The following CEP57 variants were observed in gnomAD, a reference collection of about 807,000 sequenced individuals.
CEP57 encodes centrosomal protein of 57 kDa.
CEP57 carries 40 observed loss-of-function variants against 68.0 expected under a neutral mutation model. The observed-to-expected ratio is 0.59, with a 90% CI of 0.46 to 0.77. CEP57 has a LOEUF of 0.77. Among genes scored for constraint, CEP57 ranks in the 30% least tolerant of loss-of-function variants. CEP57 has a pLI of 0.00. For missense variants in CEP57, 606 were observed against 580.7 expected, an observed-to-expected ratio of 1.04 and a Z score of -0.45; for synonymous variants, 219 against 198.7, an observed-to-expected ratio of 1.10 and a Z score of -0.86.
Position 95,799,392 on chromosome 11 carries a change from A to T in CEP57, c.202+4A>T, listed in dbSNP as rs1300329901. 1 of 1,613,750 alleles carries T rather than the reference A, an allele frequency of 6.2e-7. No individual in the cohort carries two copies. Among genetic ancestry groups the T allele is most frequent in the Non-Finnish European group, 8.5e-7 (1 of 1,179,830 alleles). Reference sequence around the variant, plus strand: ...TATCCAGAAAGCAACAGCAGAGGTAATCGAGCCTAACGAAATAAATGTTAT... The same window carrying T: ...TATCCAGAAAGCAACAGCAGAGGTATTCGAGCCTAACGAAATAAATGTTAT... On this transcript the variant is annotated splice_donor_region_variant and intron_variant, in intron 2 of 10. Coordinates refer to ENST00000325542, the MANE Select transcript of CEP57 (RefSeq NM_014679.5).
chr11:95,824,119 A>T (rs1862637378), intron 8 of CEP57, among the ~76,000 whole-genome samples: 1 of 150,386 alleles, frequency 6.6e-6, no homozygotes, highest in Non-Finnish European at 1.5e-5. Context: ...GTTGGCGTGC[A>T]CCTGTGGTCC....
Position 95,818,834 on chromosome 11 carries a change from T to G in CEP57, c.629T>G (p.Met210Arg), listed in dbSNP as rs1862409279. 2 of 1,613,624 alleles carry G rather than the reference T, an allele frequency of 1.2e-6. No individual in the cohort carries two copies. The highest frequency in any genetic ancestry group is 1.3e-5 in the African/African-American group (1 of 74,892). The change falls in exon 6 of 11, where the codon ATG becomes AGG. Residue 210 changes from methionine (M) to arginine (R), a missense_variant. Coordinates refer to ENST00000325542, the MANE Select transcript of CEP57 (RefSeq NM_014679.5). ...TTMQALAEKKMQELEAKLHEE... is the reference protein window; with the variant it reads ...TTMQALAEKKRQELEAKLHEE... ...TGACATTTTTATCACTAGAAAAAAA[T>G]GCAAGAGTTGGAAGCAAAACTCCAT...
chr11:95,813,454 T>C lies in CEP57; in HGVS notation c.383-14T>C, dbSNP rs531366645. The stretch of plus-strand genomic sequence containing the variant: ...GGTGAGTTGATTTCTGCTTTTCTTA[T>C]GTATTCTTTTTAGAACTGACATCTC... On this transcript the variant is annotated splice_polypyrimidine_tract_variant and intron_variant, in intron 3 of 10. Transcript: ENST00000325542. 19 of 1,609,788 alleles carry C rather than the reference T, an allele frequency of 1.2e-5. No individual in the cohort carries two copies. Among genetic ancestry groups the C allele is most frequent in the African/African-American group, 4.0e-5 (3 of 75,012 alleles).
intron 10 of CEP57, 138 bp downstream of exon 10, chr11:95,829,469 C>T (rs565097284): frequency 1.1e-6 from 1 of 917,220 alleles, no homozygotes; most frequent in African/African-American, 1.7e-5. Context: ...GACATTTGTT[C>T]ATTGAGAATT....
chr11:95,815,842 C>G (rs1234755579), intron 4 of CEP57, among the ~76,000 whole-genome samples: 1 of 152,162 alleles, frequency 6.6e-6, no homozygotes, highest in African/African-American at 2.4e-5. Context: ...ACTATATTGG[C>G]TTGATATTGT....
At position 95,818,887 on chromosome 11, in the gene CEP57, C is replaced by A. The variant is rs770187092; in HGVS notation, c.682C>A (p.Gln228Lys). 1.2e-6 allele frequency: 2 copies of A among 1,613,770 alleles called. No homozygotes were observed. Among genetic ancestry groups the A allele is most frequent in the Non-Finnish European group, 1.7e-6 (2 of 1,179,762 alleles). ...HEEEQERKRMQAKAAELQTGL... is the reference protein window; with the variant it reads ...HEEEQERKRMKAKAAELQTGL... Reference sequence around the variant, plus strand: ...AGAAGAACAGGAAAGGAAACGCATGCAAGCTAAGGCAGCTGAGGTAAGTTA... The same window carrying A: ...AGAAGAACAGGAAAGGAAACGCATGAAAGCTAAGGCAGCTGAGGTAAGTTA... Residue 228 changes from glutamine (Q) to lysine (K), a missense_variant, in exon 6 of 11, where the codon CAA becomes AAA. Transcript: ENST00000325542.
chr11:95,802,246 C>T (rs1302190486), intron 2 of CEP57, among the ~76,000 whole-genome samples: 6 of 150,504 alleles, frequency 4.0e-5, no homozygotes, highest in Non-Finnish European at 7.4e-5. Flanking sequence ...GGTTTATAAA[C>T]GTGACATGAT....
chr11:95,792,273 A>G (rs575875376), intron 1 of CEP57, among the ~76,000 whole-genome samples: 51 of 152,338 alleles, frequency 3.3e-4, no homozygotes, highest in African/African-American at 1.2e-3. Flanking sequence ...ACTTGGGAGA[A>G]GAGGGCTTTT....
At chr11:95,822,927 T>C (rs1862574654) in intron 8 of CEP57, 2 of 295,224 alleles carry the variant, frequency 6.8e-6, no homozygotes, top group African/African-American at 2.2e-5. Context: ...CATTTAGATA[T>C]AGGTAGATAT....
intron 2 of CEP57, among the ~76,000 whole-genome samples, chr11:95,806,845 C>G (rs951191214): frequency 2.6e-5 from 4 of 152,236 alleles, no homozygotes; most frequent in Non-Finnish European, 5.9e-5. Flanking sequence ...TTAAACATTC[C>G]TGTCTGACAG....
chr11:95,820,998 G>A (rs1321312732), intron 6 of CEP57, among the ~76,000 whole-genome samples: 3 of 152,106 alleles, frequency 2.0e-5, no homozygotes, highest in South Asian at 4.1e-4. Flanking sequence ...GGAATCCAGT[G>A]GTTCTGAATA....
chr11:95,828,533 T>A (rs1261996719), intron 9 of CEP57, among the ~76,000 whole-genome samples: 1 of 152,244 alleles, frequency 6.6e-6, no homozygotes, highest in Non-Finnish European at 1.5e-5. Context: ...CACTGTTGTA[T>A]ATGTGGTCTG....
rs753139205 is a variant in CEP57, at chr11:95,813,470, C to G, written c.385C>G (p.Leu129Val). Residue 129 changes from leucine (L) to valine (V), a missense_variant and splice_region_variant, in exon 4 of 11, where the codon CTG becomes GTG. By Grantham distance (32) the Leu-to-Val change is conservative (BLOSUM62 1). Transcript: ENST00000325542. ...KNEESKHNQE[L>V]TSQLLAAENK... The stretch of plus-strand genomic sequence containing the variant: ...CTTTTCTTATGTATTCTTTTTAGAA[C>G]TGACATCTCAGTTGTTAGCTGCAGA... 7 of 1,611,440 alleles carry G rather than the reference C, an allele frequency of 4.3e-6. No individual in the cohort carries two copies. In the South Asian group the frequency reaches 7.7e-5, roughly 18 times the overall value.
At chr11:95,791,321 C>G (rs1051657406) in intron 1 of CEP57, among the ~76,000 whole-genome samples, 1 of 152,162 alleles carries the variant, frequency 6.6e-6, no homozygotes, top group Non-Finnish European at 1.5e-5. Flanking sequence ...TGGAAATGCC[C>G]TTTTGGAGAG....
At chr11:95,800,803 A>G (rs974860172) in intron 2 of CEP57, among the ~76,000 whole-genome samples, 2 of 152,186 alleles carry the variant, frequency 1.3e-5, no homozygotes, top group Admixed American at 6.5e-5. Context: ...TAATGAAAAG[A>G]TGGTTTTGAT....
In CEP57 at chr11:95,818,900, CTGAGG is replaced by C. The variant is rs1221224728; in HGVS notation, c.697_699+2del. The C allele has an allele frequency of 6.2e-7, 1 of 1,613,306 alleles. No homozygotes were observed. Among genetic ancestry groups the C allele is most frequent in the East Asian group, 2.2e-5 (1 of 44,846 alleles). ...AGGAAACGCATGCAAGCTAAGGCAG[CTGAGG>C]TAAGTTAAAATGTGAGAAAGTGGGC... On this transcript the variant is annotated splice_donor_variant and coding_sequence_variant, in exon 6 of 11. Transcript: ENST00000325542. LOFTEE classifies it high-confidence loss of function.
chr11:95,828,173 T>C (rs1051188966), intron 9 of CEP57, 146 bp downstream of exon 9: 6 of 896,586 alleles, frequency 6.7e-6, no homozygotes, highest in Admixed American at 5.5e-5. Flanking sequence ...ACTGGGACTT[T>C]AACAAATACA....
chr11:95,822,623 G>A, intron 8 of CEP57, 47 bp downstream of exon 8: 1 of 1,455,044 alleles, frequency 6.9e-7, no homozygotes, highest in Non-Finnish European at 9.7e-7. Context: ...ATTGATCCCT[G>A]AATTAAGTCC....
chr11:95,802,876 G>A (rs189344906), intron 2 of CEP57, among the ~76,000 whole-genome samples: 1 of 152,202 alleles, frequency 6.6e-6, no homozygotes, highest in Non-Finnish European at 1.5e-5. Flanking sequence ...AAGGATATGA[G>A]TATGTCCAGA....
Sources: gnomAD v4.1 joint callset for allele counts (sites outside exome capture counted in the v4.1 genomes callset) on GRCh38, gnomAD v4.1.1 for gene constraint, MANE v1.5 for transcripts, NCBI Gene and HGNC (gene_info 2026-07-23, HGNC 2026-07-21) for gene names.